RNF130: variants seen among roughly 807,000 people sequenced by gnomAD.
The protein encoded by RNF130 is E3 ubiquitin-protein ligase RNF130.
In RNF130, 21 loss-of-function variants were observed where a neutral mutation model predicts 44.6. That is an observed-to-expected ratio of 0.47 (90% confidence interval 0.33 to 0.68). The LOEUF (loss-of-function observed/expected upper bound fraction) is 0.68. Among genes scored for constraint, RNF130 ranks in the 30% least tolerant of loss-of-function variants. RNF130 has a pLI of 0.02. For missense variants in RNF130, 479 were observed against 560.6 expected (o/e 0.85, Z 1.47); for synonymous variants, 214 against 210.4 (o/e 1.02, Z -0.15).
intron 7 of RNF130, among the ~76,000 whole-genome samples, chr5:179,966,084 T>C (rs1359969195): frequency 6.6e-6 from 1 of 152,144 alleles, no homozygotes; most frequent in African/African-American, 2.4e-5. Flanking sequence ...AGAGCTGGCT[T>C]GTTGAGGGCT....
intron 2 of RNF130, among the ~76,000 whole-genome samples, chr5:180,037,137 G>A (rs1183933956): frequency 6.6e-6 from 1 of 152,184 alleles, no homozygotes; most frequent in African/African-American, 2.4e-5. Flanking sequence ...CTGCATAAAC[G>A]TGCCACAATT....
chr5:180,020,871 G>A (rs1763854233), intron 2 of RNF130, among the ~76,000 whole-genome samples: 1 of 152,144 alleles, frequency 6.6e-6, no homozygotes, highest in Non-Finnish European at 1.5e-5. Context: ...TCCAGGGGTT[G>A]CCAACTTTCA....
At chr5:180,035,004 A>C (rs578088399) in intron 2 of RNF130, among the ~76,000 whole-genome samples, 3 of 152,204 alleles carry the variant, frequency 2.0e-5, no homozygotes. Context: ...CAAAGAACCA[A>C]CTTTTGGGTT....
intron 3 of RNF130, among the ~76,000 whole-genome samples, chr5:179,985,294 T>C (rs979920412): frequency 6.6e-6 from 1 of 152,014 alleles, no homozygotes; most frequent in African/African-American, 2.4e-5. Flanking sequence ...TAGACTTTCA[T>C]GGCATTTCCT....
chr5:180,071,568 C>G lies in RNF130; in HGVS notation c.135G>C (p.Glu45Asp), dbSNP rs900617757. ...YTALINVTVQ[E>D]PGRGAPLTFR... ...ACGTGAGCGGGGCGCCGCGGCCGGG[C>G]TCCTGCACCGTCACGTTGATGAGCG... The change falls in exon 1 of 9, where the codon GAG becomes GAC. Residue 45 changes from glutamate (E) to aspartate (D), a missense_variant. Coordinates refer to ENST00000521389, the MANE Select transcript of RNF130 (RefSeq NM_018434.6). 6.8e-7 allele frequency: 1 copy of G among 1,478,170 alleles called. No individual in the cohort carries two copies. The highest frequency in any genetic ancestry group is 1.4e-5 in the South Asian group (1 of 73,926). The allele number at this position is 1,478,170 out of a possible 1,614,324, so 91.6% of individuals were successfully genotyped here.
At chr5:180,042,371 G>T (rs1007425700) in intron 1 of RNF130, among the ~76,000 whole-genome samples, 1 of 152,052 alleles carries the variant, frequency 6.6e-6, no homozygotes, top group Non-Finnish European at 1.5e-5. Flanking sequence ...TATTGTATAC[G>T]ACCATTACCT....
At chr5:180,051,611 A>T (rs1275207240) in intron 1 of RNF130, among the ~76,000 whole-genome samples, 1 of 152,144 alleles carries the variant, frequency 6.6e-6, no homozygotes, top group Non-Finnish European at 1.5e-5. Context: ...TGCAGTCAAC[A>T]TGGCAGGAAT....
intron 3 of RNF130, among the ~76,000 whole-genome samples, chr5:179,992,529 A>C (rs1481210099): frequency 6.6e-6 from 1 of 152,214 alleles, no homozygotes; most frequent in Admixed American, 6.5e-5. Context: ...TTAAAATAAA[A>C]AACTTATCTT....
downstream of RNF130, among the ~76,000 whole-genome samples, chr5:179,953,200 T>C (rs546557955): frequency 6.6e-6 from 1 of 152,262 alleles, no homozygotes; most frequent in East Asian, 1.9e-4. Context: ...AAATTAAACA[T>C]GTGGAACGAT....
At chr5:179,927,186 G>C (rs1761719107) in intron 7 of RNF130, among the ~76,000 whole-genome samples, 1 of 152,164 alleles carries the variant, frequency 6.6e-6, no homozygotes, top group African/African-American at 2.4e-5. Flanking sequence ...CAGTTTTCTT[G>C]AGAAAAATAT....
intron 3 of RNF130, among the ~76,000 whole-genome samples, chr5:180,009,906 T>C (rs141720510): frequency 1.1e-4 from 16 of 152,226 alleles, no homozygotes; most frequent in African/African-American, 3.4e-4. Flanking sequence ...AACCATGGGA[T>C]ATAGTTCGGC....
chr5:180,039,882 T>C (rs958004253), intron 2 of RNF130, among the ~76,000 whole-genome samples: 2 of 152,196 alleles, frequency 1.3e-5, no homozygotes, highest in Non-Finnish European at 1.5e-5. Flanking sequence ...ACATACATCA[T>C]GCATGGTTAT....
chr5:180,030,727 A>T (rs1764114551), intron 2 of RNF130, among the ~76,000 whole-genome samples: 1 of 152,158 alleles, frequency 6.6e-6, no homozygotes. Flanking sequence ...CACAGCCACT[A>T]ATGTGCTTTC....
At chr5:179,949,939 C>T (rs1399220471) in intron 7 of RNF130, among the ~76,000 whole-genome samples, 1 of 152,172 alleles carries the variant, frequency 6.6e-6, no homozygotes, top group Non-Finnish European at 1.5e-5. Flanking sequence ...AAACTTCTGT[C>T]TCTGCCTATA....
intron 5 of RNF130, among the ~76,000 whole-genome samples, chr5:179,976,366 T>C (rs1427263131): frequency 6.6e-6 from 1 of 152,156 alleles, no homozygotes; most frequent in Non-Finnish European, 1.5e-5. Flanking sequence ...TTCTGGAGGA[T>C]CCTGGGCTGA....
intron 7 of RNF130, among the ~76,000 whole-genome samples, chr5:179,925,123 T>C (rs546760806): frequency 1.3e-5 from 2 of 152,346 alleles, no homozygotes; most frequent in African/African-American, 4.8e-5. Context: ...ATCTTTCATA[T>C]GCTAAAGAGG....
intron 1 of RNF130, among the ~76,000 whole-genome samples, chr5:180,041,536 A>C (rs972714054): frequency 4.0e-5 from 6 of 149,776 alleles, no homozygotes; most frequent in Non-Finnish European, 5.9e-5. Flanking sequence ...TCTTAAGAAG[A>C]AGCCCCCGGC....
rs199541530 is a variant in RNF130, at chr5:179,963,492, G to T, written c.1223C>A (p.Thr408Lys). The T allele has an allele frequency of 6.2e-7, 1 of 1,613,904 alleles. No homozygotes were observed. Among genetic ancestry groups the T allele is most frequent in the Non-Finnish European group, 8.5e-7 (1 of 1,179,780 alleles). ...TTACTCATTAGCATTCAAGCTAGCT[G>T]TGGCTCTGATGATCATGTAGCAGAG... ...LTLCYMIIRA[T>K]ASLNANEVEW... The change falls in exon 8 of 9, where the codon ACA becomes AAA. Residue 408 changes from threonine to lysine, a missense_variant. By Grantham distance (78) the Thr-to-Lys change is moderately conservative (BLOSUM62 -1). Coordinates refer to ENST00000521389, the MANE Select transcript of RNF130 (RefSeq NM_018434.6).
intron 2 of RNF130, among the ~76,000 whole-genome samples, chr5:180,016,059 C>T (rs1049665727): frequency 6.6e-6 from 1 of 152,146 alleles, no homozygotes; most frequent in African/African-American, 2.4e-5. Context: ...CTCGCGGTGG[C>T]GTCATTACAC....
Sources: allele counts gnomAD v4.1 joint callset (sites outside exome capture counted in the v4.1 genomes callset), GRCh38; gene constraint gnomAD v4.1.1; transcripts MANE v1.5; gene names NCBI Gene and HGNC (gene_info 2026-07-23, HGNC 2026-07-21).